Variants in KCNH7 observed in about 807,000 individuals in gnomAD.
KCNH7 encodes the protein potassium voltage-gated channel subfamily H member 7, also known as voltage-gated inwardly rectifying potassium channel KCNH7.
In KCNH7, 49 loss-of-function variants were observed where a neutral mutation model predicts 120.8. That is an observed-to-expected ratio of 0.41 (90% confidence interval 0.32 to 0.51). The LOEUF is 0.51. KCNH7 is among the 20% of genes least tolerant of loss of function. KCNH7 has a pLI of 0.38. For synonymous variants in KCNH7, 547 were observed against 516.1 expected, an observed-to-expected ratio of 1.06 and a Z score of -0.81; for missense variants, 1,097 against 1,446.6, an observed-to-expected ratio of 0.76 and a Z score of 3.92.
chr2:162,816,474 C>T (rs1278702610), intron 2 of KCNH7, among the ~76,000 whole-genome samples: 2 of 151,988 alleles, frequency 1.3e-5, no homozygotes, highest in African/African-American at 4.8e-5. Flanking sequence ...AGTACCCTAC[C>T]CTGAAGGGCT....
intron 6 of KCNH7, among the ~76,000 whole-genome samples, chr2:162,467,426 C>T (rs973249292): frequency 1.3e-5 from 2 of 152,094 alleles, no homozygotes. Flanking sequence ...AGTGAGTTAT[C>T]GCTTTATTAG....
chr2:162,541,790 C>T (rs1033785566), intron 2 of KCNH7, among the ~76,000 whole-genome samples: 2 of 152,074 alleles, frequency 1.3e-5, no homozygotes, highest in African/African-American at 4.8e-5. Context: ...ACCACCATGG[C>T]ACACATTTAC....
chr2:162,505,768 T>C (rs1390766895), intron 5 of KCNH7, among the ~76,000 whole-genome samples: 1 of 151,964 alleles, frequency 6.6e-6, no homozygotes, highest in Non-Finnish European at 1.5e-5. Context: ...ATAAACTTGT[T>C]AGGCAGCATA....
rs533289393 is a variant in KCNH7 at position 162,790,670 on chromosome 2, G to T, written c.307+45867C>A. Among the ~76,000 whole-genome samples the T allele has an allele frequency of 3.9e-5, 6 of 152,104 alleles. No individual in the cohort carries two copies. The South Asian group carries it at 1.2e-3, about 32-fold the overall frequency. On this transcript the variant is annotated intron_variant, in intron 2 of 15. Coordinates refer to ENST00000332142, the MANE Select transcript of KCNH7 (RefSeq NM_033272.4). ...AGATTTACACTTGGGAGGAAAGGAC[G>T]GCTCAACATACACAAATCAAAAATT... is the stretch of plus-strand genomic sequence containing the variant.
chr2:162,480,491 C>T (rs1689895432), intron 6 of KCNH7, among the ~76,000 whole-genome samples: 1 of 152,178 alleles, frequency 6.6e-6, no homozygotes, highest in Non-Finnish European at 1.5e-5. Flanking sequence ...CCCTCACCTT[C>T]CTCCTGCATG....
At chr2:162,624,683 A>G (rs1047027071) in intron 2 of KCNH7, among the ~76,000 whole-genome samples, 1 of 152,112 alleles carries the variant, frequency 6.6e-6, no homozygotes, top group Non-Finnish European at 1.5e-5. Context: ...GGCTGCTATC[A>G]TATACATCTT....
chr2:162,752,749 A>T (rs2105434018), intron 2 of KCNH7, among the ~76,000 whole-genome samples: 1 of 151,214 alleles, frequency 6.6e-6, no homozygotes, highest in South Asian at 2.1e-4. Flanking sequence ...AATGACAAAA[A>T]TTAGCCGGGT....
intron 2 of KCNH7, among the ~76,000 whole-genome samples, chr2:162,736,794 C>A (rs1159605173): frequency 1.3e-5 from 2 of 152,096 alleles, no homozygotes; most frequent in East Asian, 3.9e-4. Flanking sequence ...AGAAAATGAA[C>A]CCACTGTAAG....
intron 8 of KCNH7, among the ~76,000 whole-genome samples, chr2:162,429,877 ATTTT>A (rs780846857): frequency 2.8e-5 from 4 of 145,106 alleles, no homozygotes; most frequent in Non-Finnish European, 4.6e-5. Flanking sequence ...AAAAAAACAG[ATTTT>A]TTTTTTTGCT....
chr2:162,420,542 G>A (rs1687670428), intron 9 of KCNH7, among the ~76,000 whole-genome samples: 1 of 152,082 alleles, frequency 6.6e-6, no homozygotes, highest in African/African-American at 2.4e-5. Flanking sequence ...GAAACATTCT[G>A]GCAATAGCTT....
At chr2:162,642,836 A>C (rs1462924758) in intron 2 of KCNH7, among the ~76,000 whole-genome samples, 3 of 152,230 alleles carry the variant, frequency 2.0e-5, no homozygotes, top group Admixed American at 6.5e-5. Context: ...TGGAGGAAGC[A>C]CTAAGTAACC....
chr2:162,581,317 G>A (rs1045542754), intron 2 of KCNH7, among the ~76,000 whole-genome samples: 10 of 152,012 alleles, frequency 6.6e-5, no homozygotes, highest in Non-Finnish European at 1.0e-4. Context: ...TTTTGTATCC[G>A]TAAGTGATGG....
intron 6 of KCNH7, among the ~76,000 whole-genome samples, chr2:162,492,878 T>TTTTTGTTTG (rs1690363431): frequency 7.3e-6 from 1 of 136,706 alleles, no homozygotes; most frequent in African/African-American, 3.1e-5. Context: ...TTTTTTTTTT[T>TTTTTGTTTG]TTTTTTTTTT....
At chr2:162,572,208 TAAAC>T (rs1438808227) in intron 2 of KCNH7, among the ~76,000 whole-genome samples, 3 of 151,608 alleles carry the variant, frequency 2.0e-5, no homozygotes, top group East Asian at 3.9e-4. Context: ...AAGAAAAAAA[TAAAC>T]AACCCCATCA....
At chr2:162,411,524 G>A (rs1687392148) in intron 9 of KCNH7, among the ~76,000 whole-genome samples, 1 of 151,704 alleles carries the variant, frequency 6.6e-6, no homozygotes, top group Non-Finnish European at 1.5e-5. Context: ...CACTACCTTG[G>A]GATCATTTGT....
Position 162,504,307 on chromosome 2 carries a change from A to T in KCNH7, c.1128+136T>A, listed in dbSNP as rs939318354. On this transcript the variant is annotated intron_variant, in intron 6 of 15. Transcript: ENST00000332142. ...CTGTTATATTAGAGAGTTACCCAAC[A>T]TCTCAAGATAAATAGGAGTACAAAG... The T allele has an allele frequency of 2.8e-5, 18 of 651,840 alleles. No homozygotes were observed. In the African/African-American group the frequency reaches 3.3e-4, roughly 12 times the overall value. The allele number at this position is 651,840 out of a possible 1,614,324, so 40.4% of individuals were successfully genotyped here.
chr2:162,649,851 C>A (rs55806445), intron 2 of KCNH7, among the ~76,000 whole-genome samples: 21,156 of 152,078 alleles, frequency 0.14, 1,724 homozygotes, highest in East Asian at 0.33. Flanking sequence ...TACAACTAAG[C>A]AGCAATAACA....
chr2:162,490,560 C>T (rs1342005295), intron 6 of KCNH7, among the ~76,000 whole-genome samples: 1 of 152,110 alleles, frequency 6.6e-6, no homozygotes, highest in Non-Finnish European at 1.5e-5. Flanking sequence ...AGACCCAAAA[C>T]CTTTCACTTT....
chr2:162,539,816 T>G (rs550291242), intron 2 of KCNH7, among the ~76,000 whole-genome samples: 23 of 152,174 alleles, frequency 1.5e-4, no homozygotes, highest in African/African-American at 5.5e-4. Flanking sequence ...ATTTAATATC[T>G]CCATCAATCT....
Sources: allele counts gnomAD v4.1 joint callset (sites outside exome capture counted in the v4.1 genomes callset), GRCh38; gene constraint gnomAD v4.1.1; transcripts MANE v1.5; gene names NCBI Gene and HGNC (gene_info 2026-07-23, HGNC 2026-07-21).